The following TEKT5 variants were observed in gnomAD, a reference collection of about 807,000 sequenced individuals.
TEKT5 encodes tektin-5.
In TEKT5, 52 loss-of-function variants were observed where a neutral mutation model predicts 48.7. The observed-to-expected ratio is 1.07, with a 90% CI of 0.86 to 1.35. The LOEUF is 1.35. TEKT5 is among the 40% of genes most tolerant of loss of function. The pLI is 0.00. For missense variants in TEKT5, 831 were observed against 641.6 expected (o/e 1.30, Z -3.19); for synonymous variants, 318 against 267.6 (o/e 1.19, Z -1.84).
At chr16:10,690,800 C>A (rs115579316) in intron 1 of TEKT5, 2 of 985,122 alleles carry the variant, frequency 2.0e-6, no homozygotes, top group African/African-American at 3.5e-5. Context: ...ATTAGCAAAC[C>A]AGCCCGTGAT....
intron 5 of TEKT5, among the ~76,000 whole-genome samples, chr16:10,651,632 T>A (rs1898157133): frequency 6.6e-6 from 1 of 152,184 alleles, no homozygotes; most frequent in Non-Finnish European, 1.5e-5. Flanking sequence ...GCTCCCTGGA[T>A]GGATAAATAT....
intron 1 of TEKT5, among the ~76,000 whole-genome samples, chr16:10,692,093 G>T (rs920315472): frequency 6.6e-6 from 1 of 152,116 alleles, no homozygotes; most frequent in Non-Finnish European, 1.5e-5. Context: ...GGATTGTGGG[G>T]GCAGCCTAGG....
intron 5 of TEKT5, among the ~76,000 whole-genome samples, chr16:10,649,874 T>C (rs577329149): frequency 3.3e-5 from 5 of 152,212 alleles, no homozygotes; most frequent in Non-Finnish European, 5.9e-5. Context: ...TGAGAGAGAA[T>C]TGAAGCAGAG....
chr16:10,694,573 G>A lies in TEKT5; in HGVS notation c.301C>T (p.Gln101Ter), dbSNP rs751722907. The change falls in exon 1 of 7, where the codon CAG becomes TAG. Residue 101 changes from glutamine (Q) to a stop codon, truncating the protein, a stop_gained. Transcript: ENST00000283025. LOFTEE classifies it high-confidence loss of function. ...CGGGAGGCCTCGGCCCCACGCACCT[G>A]CAGCTGGTTGGACTGGTCCCAGTCG... ...PHDWDQSNQL[Q>*]VRGAEASRLW... The A allele has an allele frequency of 6.2e-7, 1 of 1,603,574 alleles. No homozygotes were observed. The highest frequency in any genetic ancestry group is 8.5e-7 in the Non-Finnish European group (1 of 1,174,768).
intron 5 of TEKT5, among the ~76,000 whole-genome samples, chr16:10,659,314 TAACC>T (rs772644727): frequency 3.3e-5 from 5 of 152,244 alleles, no homozygotes; most frequent in African/African-American, 4.8e-5. Context: ...CCATAATGAC[TAACC>T]ATTTTTTAAA....
intron 3 of TEKT5, 78 bp from the exon 4 acceptor site, chr16:10,682,214 T>C: frequency 2.6e-6 from 4 of 1,523,580 alleles, no homozygotes; most frequent in East Asian, 2.3e-5. Context: ...CAGGTGTGTG[T>C]TGCAAGCCCT....
chr16:10,645,325 C>G (rs1173701918), intron 5 of TEKT5, among the ~76,000 whole-genome samples: 3 of 151,166 alleles, frequency 2.0e-5, no homozygotes, highest in African/African-American at 7.3e-5. Flanking sequence ...GCCTGGGCAA[C>G]ATAGTGAAAA....
intron 5 of TEKT5, among the ~76,000 whole-genome samples, chr16:10,643,146 C>T (rs745649328): frequency 6.6e-6 from 1 of 151,900 alleles, no homozygotes; most frequent in Non-Finnish European, 1.5e-5. Flanking sequence ...TTTGGGATGC[C>T]GAGGCAGGAG....
chr16:10,694,836 C>A lies in TEKT5; in HGVS notation c.38G>T (p.Cys13Phe). 1.3e-6 allele frequency: 2 copies of A among 1,595,652 alleles called. No homozygotes were observed. Among genetic ancestry groups the A allele is most frequent in the Non-Finnish European group, 1.7e-6 (2 of 1,171,948 alleles). ...FLGTTQTASY[C>F]GPKKCCGLTS... ...CAAGCCACAGCATTTCTTGGGACCA[C>A]AGTAACTGGCGGTCTGAGTAGTCCC... The change falls in exon 1 of 7, where the codon TGT (cysteine) becomes TTT (phenylalanine). Residue 13 changes from cysteine to phenylalanine, a missense_variant. Physicochemically the swap from Cys to Phe is radical, Grantham distance 205 (BLOSUM62 -2). Transcript: ENST00000283025.
chr16:10,675,311 G>C (rs561781586), intron 5 of TEKT5, among the ~76,000 whole-genome samples: 1 of 152,174 alleles, frequency 6.6e-6, no homozygotes, highest in South Asian at 2.1e-4. Flanking sequence ...GCCTAGCGCA[G>C]CATCTGGCAC....
intron 1 of TEKT5, chr16:10,692,623 A>G (rs540603703): frequency 6.6e-6 from 1 of 152,212 alleles, no homozygotes; most frequent in Non-Finnish European, 1.5e-5. Flanking sequence ...TCCAGGGTCC[A>G]TGAGAGTGCT....
At chr16:10,645,797 A>G (rs184531419) in intron 5 of TEKT5, among the ~76,000 whole-genome samples, 2 of 152,300 alleles carry the variant, frequency 1.3e-5, no homozygotes, top group African/African-American at 4.8e-5. Flanking sequence ...AACAAGAGTG[A>G]AACTCTGTCT....
At chr16:10,634,285 A>T (rs1897882073) in intron 6 of TEKT5, among the ~76,000 whole-genome samples, 1 of 152,218 alleles carries the variant, frequency 6.6e-6, no homozygotes, top group Non-Finnish European at 1.5e-5. Flanking sequence ...CATCAGGGTG[A>T]ACTTCCCTTG....
At chr16:10,640,707 A>T (rs1156568293) in intron 5 of TEKT5, among the ~76,000 whole-genome samples, 4 of 149,134 alleles carry the variant, frequency 2.7e-5, no homozygotes, top group African/African-American at 1.0e-4. Context: ...TAGCATCAGA[A>T]TCTGACAGTA....
rs534169907 is a variant in TEKT5, at chr16:10,670,235, G to C, written c.1086+5724C>G. On this transcript the variant is annotated intron_variant, in intron 5 of 6. Transcript: ENST00000283025. Reference sequence around the variant, plus strand: ...CTAATAACAGTTACATTTTTAAAGAGAGCATTTCAGTCCGGGCACGGTGGC... The same window carrying C: ...CTAATAACAGTTACATTTTTAAAGACAGCATTTCAGTCCGGGCACGGTGGC... 1.4e-4 allele frequency among the ~76,000 whole-genome samples: 21 copies of C among 152,308 alleles called. 1 individual carries two copies. The South Asian group carries it at 1.4e-3, about 11-fold the overall frequency.
chr16:10,687,063 G>C (rs1176000878), intron 3 of TEKT5, among the ~76,000 whole-genome samples: 2 of 152,216 alleles, frequency 1.3e-5, no homozygotes, highest in African/African-American at 2.4e-5. Context: ...AGAGTAGAAT[G>C]GTTGTTACCA....
intron 1 of TEKT5, among the ~76,000 whole-genome samples, chr16:10,693,876 A>G (rs961756693): frequency 2.0e-5 from 3 of 152,190 alleles, no homozygotes; most frequent in Non-Finnish European, 2.9e-5. Context: ...AGGCTGAGGC[A>G]CGAGAGTCGC....
chr16:10,641,153 A>G (rs1897989025), intron 5 of TEKT5, among the ~76,000 whole-genome samples: 1 of 152,084 alleles, frequency 6.6e-6, no homozygotes. Context: ...AGTCTTTTTA[A>G]TTTCAGCCAT....
At chr16:10,694,258 G>A (rs568270774) in intron 1 of TEKT5, 52 bp downstream of exon 1, 115 of 1,496,610 alleles carry the variant, frequency 7.7e-5, no homozygotes, top group South Asian at 3.0e-4. Flanking sequence ...CAGAATGAGC[G>A]TGCAGTATCC....
Sources: allele counts gnomAD v4.1 joint callset (sites outside exome capture counted in the v4.1 genomes callset), GRCh38; gene constraint gnomAD v4.1.1; transcripts MANE v1.5; gene names NCBI Gene and HGNC (gene_info 2026-07-23, HGNC 2026-07-21).